SH3KBP1: variants seen among roughly 807,000 people sequenced by gnomAD.
The protein encoded by SH3KBP1 is SH3 domain-containing kinase-binding protein 1.
In SH3KBP1, 8 loss-of-function variants were observed where a neutral mutation model predicts 50.1. The observed-to-expected ratio is 0.16, with a 90% CI of 0.09 to 0.29. SH3KBP1 has a LOEUF of 0.29. Ranked by LOEUF, SH3KBP1 falls within the 10% of genes least tolerant of loss-of-function variation. SH3KBP1 has a pLI of 1.00. For synonymous variants in SH3KBP1, 227 were observed against 218.6 expected (o/e 1.04, Z -0.34); for missense variants, 377 against 535.2 (o/e 0.70, Z 2.92).
chrX:19,567,511 T>C (rs2065877495), intron 13 of SH3KBP1, among the ~76,000 whole-genome samples: 2 of 33,645 alleles, frequency 5.9e-5, no homozygotes, highest in Non-Finnish European at 9.7e-5. Context: ...AGAGCAAGAC[T>C]CCATCTCAAA....
chrX:19,651,132 T>C (rs1162647303), intron 6 of SH3KBP1, among the ~76,000 whole-genome samples: 5 of 109,982 alleles, frequency 4.5e-5, no homozygotes, highest in African/African-American at 1.7e-4. Context: ...TGAGGAGTGG[T>C]AGGCACAGAG....
intron 3 of SH3KBP1, among the ~76,000 whole-genome samples, chrX:19,739,812 A>T (rs1410571400): frequency 1.8e-5 from 2 of 110,751 alleles, no homozygotes; most frequent in Non-Finnish European, 3.8e-5. Flanking sequence ...AAGGAGAAGG[A>T]AAAGGTGGGC....
intron 2 of SH3KBP1, among the ~76,000 whole-genome samples, chrX:19,774,109 A>G (rs762493106): frequency 6.8e-4 from 75 of 110,401 alleles, no homozygotes; most frequent in African/African-American, 2.4e-3. Context: ...CTGCCCTGTC[A>G]CCAAGGTCAA....
chrX:19,542,613 T>G, intron 15 of SH3KBP1, among the ~76,000 whole-genome samples: 1 of 109,153 alleles, frequency 9.2e-6, no homozygotes, highest in African/African-American at 3.3e-5. Context: ...CAGAGGGAGG[T>G]GAGCATACAG....
intron 2 of SH3KBP1, among the ~76,000 whole-genome samples, chrX:19,805,304 A>G (rs1359669379): frequency 9.0e-6 from 1 of 111,571 alleles, no homozygotes; most frequent in Non-Finnish European, 1.9e-5. Flanking sequence ...TCAAAGCAGC[A>G]GAACCTGCAA....
intron 3 of SH3KBP1, among the ~76,000 whole-genome samples, chrX:19,730,435 T>G (rs2064343523): frequency 8.9e-6 from 1 of 111,833 alleles, no homozygotes; most frequent in South Asian, 3.7e-4. Flanking sequence ...TATCTGGGAA[T>G]TTTTATTTTC....
intron 1 of SH3KBP1, among the ~76,000 whole-genome samples, chrX:19,841,153 C>T (rs960972818): frequency 6.3e-5 from 7 of 111,557 alleles, no homozygotes; most frequent in Non-Finnish European, 9.4e-5. Flanking sequence ...CTCACTATGG[C>T]GGTGGTGGTG....
intron 9 of SH3KBP1, among the ~76,000 whole-genome samples, chrX:19,604,795 G>A (rs963053064): frequency 8.9e-6 from 1 of 112,369 alleles, no homozygotes; most frequent in Non-Finnish European, 1.9e-5. Context: ...TTATAGACCA[G>A]AGGAGATGGA....
At chrX:19,791,261 A>G (rs1490979054) in intron 2 of SH3KBP1, among the ~76,000 whole-genome samples, 3 of 111,585 alleles carry the variant, frequency 2.7e-5, no homozygotes, top group African/African-American at 9.8e-5. Context: ...AATATCTATC[A>G]AAACCATAAG....
chrX:19,814,211 T>A (rs1455616583), intron 2 of SH3KBP1, among the ~76,000 whole-genome samples: 1 of 110,908 alleles, frequency 9.0e-6, no homozygotes. Context: ...TACAGAAATA[T>A]CCAGAATCTG....
At chrX:19,724,218 C>T (rs1490371518) in intron 3 of SH3KBP1, among the ~76,000 whole-genome samples, 4 of 106,719 alleles carry the variant, frequency 3.7e-5, no homozygotes, top group South Asian at 4.0e-4. Context: ...AATCCTGAGG[C>T]GAAAAAAAAT....
At chrX:19,565,460 T>A (rs1164935535) in intron 13 of SH3KBP1, among the ~76,000 whole-genome samples, 1 of 111,589 alleles carries the variant, frequency 9.0e-6, no homozygotes, top group Non-Finnish European at 1.9e-5. Context: ...TCATTACACA[T>A]CCTTCATAGG....
In SH3KBP1 at chrX:19,668,935, AATATAT is replaced by A. The variant is rs56844238; in HGVS notation, c.726+14882_726+14887del. Among the ~76,000 whole-genome samples the A allele has an allele frequency of 7.5e-3, 246 of 32,849 alleles. 3 individuals are homozygous for A. The highest frequency in any genetic ancestry group is 0.017 in the African/African-American group (207 of 12,176). The allele number at this position is 32,849 out of a possible 115,157, so 28.5% of individuals were successfully genotyped here. A position where few individuals can be genotyped will look rare whatever the true frequency, so the allele number is the denominator to read the frequency against. ...GTTCCTGAATGATAGGATTGAGGGT[AATATAT>A]ATATATATATATATATATATATATA... On this transcript the variant is annotated intron_variant, in intron 6 of 17. Transcript: ENST00000397821.
intron 2 of SH3KBP1, among the ~76,000 whole-genome samples, chrX:19,756,043 C>A (rs780940506): frequency 6.9e-4 from 76 of 110,583 alleles, no homozygotes; most frequent in African/African-American, 2.3e-3. Context: ...GCCGAATAAA[C>A]CACTTCCTTC....
At chrX:19,814,168 C>A (rs1460572794) in intron 2 of SH3KBP1, among the ~76,000 whole-genome samples, 1 of 110,668 alleles carries the variant, frequency 9.0e-6, no homozygotes, top group Non-Finnish European at 1.9e-5. Flanking sequence ...TGCCACACCC[C>A]CAGTCTTACC....
At chrX:19,658,763 TG>T (rs2062364589) in intron 6 of SH3KBP1, among the ~76,000 whole-genome samples, 1 of 110,809 alleles carries the variant, frequency 9.0e-6, no homozygotes, top group African/African-American at 3.3e-5. Flanking sequence ...TTCACCATAA[TG>T]GTCAGGCTGC....
intron 4 of SH3KBP1, among the ~76,000 whole-genome samples, chrX:19,702,667 C>A (rs377182790): frequency 0.014 from 1,516 of 109,014 alleles, 28 homozygotes; most frequent in African/African-American, 0.047. Context: ...AAAAAAAAAA[C>A]AAAAAACAAA....
intron 2 of SH3KBP1, among the ~76,000 whole-genome samples, chrX:19,813,422 C>T (rs886633585): frequency 9.1e-6 from 1 of 109,917 alleles, no homozygotes; most frequent in Non-Finnish European, 1.9e-5. Flanking sequence ...ATATATACAC[C>T]GTGAAATGAC....
intron 3 of SH3KBP1, among the ~76,000 whole-genome samples, chrX:19,725,186 C>A (rs59296545): frequency 3.7e-5 from 4 of 109,381 alleles, no homozygotes; most frequent in African/African-American, 1.0e-4. Context: ...AGCACGGTGG[C>A]TTACACCTGT....
Sources: allele counts gnomAD v4.1 joint callset (sites outside exome capture counted in the v4.1 genomes callset), GRCh38; gene constraint gnomAD v4.1.1; transcripts MANE v1.5; gene names NCBI Gene and HGNC (gene_info 2026-07-23, HGNC 2026-07-21).